The following ORMDL1 variants were observed in gnomAD, a reference collection of about 807,000 sequenced individuals.
The protein encoded by ORMDL1 is ORM1-like protein 1.
Under a neutral mutation model 13.0 loss-of-function variants are expected in ORMDL1, and 10 were observed. That is an observed-to-expected ratio of 0.77 (90% CI 0.47 to 1.30). ORMDL1 has a LOEUF of 1.30. Ranked by LOEUF, ORMDL1 falls within the 50% of genes most tolerant of loss-of-function variation. The pLI is 0.00. For missense variants in ORMDL1, 171 were observed against 186.7 expected (o/e 0.92, Z 0.49); for synonymous variants, 61 against 63.9 (o/e 0.95, Z 0.22).
chr2:189,782,542 G>T lies in ORMDL1; in HGVS notation c.54C>A (p.Asn18Lys). 6.2e-7 allele frequency: 1 copy of T among 1,614,222 alleles called. No homozygotes were observed. Among genetic ancestry groups the T allele is most frequent in the Non-Finnish European group, 8.5e-7 (1 of 1,180,038 alleles). ...SEVNPNTRVM[N>K]SRGMWLTYAL... The stretch of plus-strand genomic sequence containing the variant: ...CATATGTCAGCCACATACCCCGGCT[G>T]TTCATGACACGGGTATTTGGATTCA... The change falls in exon 3 of 5, where the codon AAC becomes AAA. Residue 18 changes from asparagine (N) to lysine (K), a missense_variant. Physicochemically the swap from Asn to Lys is moderately conservative, Grantham distance 94. Coordinates refer to ENST00000392349, the MANE Select transcript of ORMDL1 (RefSeq NM_016467.5).
chr2:189,776,886 C>T (rs6735135), intron 3 of ORMDL1, among the ~76,000 whole-genome samples: 149,326 of 152,136 alleles, frequency 0.98, 73,344 homozygotes, highest in East Asian at 1. Context: ...TTCAATCCTC[C>T]AAGAGATGAT....
chr2:189,771,994 A>G (rs1019846655), intron 4 of ORMDL1, 92 bp from the exon 5 acceptor site: 5 of 976,446 alleles, frequency 5.1e-6, no homozygotes, highest in Non-Finnish European at 5.6e-6. Flanking sequence ...AAAGGCCACT[A>G]AAGCATAAAT....
chr2:189,781,249 A>C (rs1233417378), intron 3 of ORMDL1, among the ~76,000 whole-genome samples: 1 of 152,118 alleles, frequency 6.6e-6, no homozygotes, highest in Non-Finnish European at 1.5e-5. Flanking sequence ...TTTAAAAATC[A>C]ATTTCTCCTG....
rs2047752893 is a variant in ORMDL1 at position 189,778,614 on chromosome 2, G to A, written c.175-2898C>T. On this transcript the variant is annotated intron_variant, in intron 3 of 4. Transcript: ENST00000392349. ...GAGGTATTAAAATAGTAGAGACTGGGCCGGGCATGGTAGCTCACACCTGTA... is the reference window on the plus strand; with the variant it reads ...GAGGTATTAAAATAGTAGAGACTGGACCGGGCATGGTAGCTCACACCTGTA... 5.3e-5 allele frequency among the ~76,000 whole-genome samples: 8 copies of A among 152,140 alleles called. 1 individual carries two copies. The highest frequency in any genetic ancestry group is 5.2e-4 in the Admixed American group (8 of 15,272).
At chr2:189,783,320 T>G (rs776307790) in intron 1 of ORMDL1, 197 bp from the exon 2 acceptor site, 4 of 152,244 alleles carry the variant, frequency 2.6e-5, no homozygotes, top group African/African-American at 9.6e-5. Flanking sequence ...AAAGGAAGAA[T>G]TGATAATAGT....
In ORMDL1 at chr2:189,771,685, C is replaced by G. The variant is rs6942; in HGVS notation, c.*82G>C. 868,307 of 1,225,056 alleles carry G rather than the reference C, an allele frequency of 0.71. 316,012 individuals are homozygous for G. Among genetic ancestry groups the G allele is most frequent in the South Asian group, 0.76 (44,660 of 58,774 alleles). 75.9% of individuals were successfully genotyped at this position (1,225,056 alleles called of 1,614,324 possible). A position where few individuals can be genotyped will look rare whatever the true frequency, so the allele number is the denominator to read the frequency against. ...AAATACTTCTCATTTCACATTATCA[C>G]AGAAACAGTGCAGTTTACTAACCAC... On this transcript the variant is annotated 3_prime_UTR_variant, in exon 5 of 5. Transcript: ENST00000392349.
chr2:189,770,834 T>C lies in ORMDL1; in HGVS notation c.*933A>G, dbSNP rs2047562544. 1 of 152,194 alleles carries C rather than the reference T, an allele frequency of 6.6e-6. No homozygotes were observed. Among genetic ancestry groups the C allele is most frequent in the Non-Finnish European group, 1.5e-5 (1 of 68,026 alleles). 9.4% of individuals were successfully genotyped at this position (152,194 alleles called of 1,614,324 possible). The stretch of plus-strand genomic sequence containing the variant: ...AGACCTGCCAAAAAAAAGACTCCAT[T>C]ACTTACTTTGGTACTATTGCTAGAG... On this transcript the variant is annotated 3_prime_UTR_variant, in exon 5 of 5. Coordinates refer to ENST00000392349, the MANE Select transcript of ORMDL1 (RefSeq NM_016467.5).
chr2:189,765,572 T>C (rs980976829), downstream of ORMDL1: 2 of 152,248 alleles, frequency 1.3e-5, no homozygotes, highest in African/African-American at 4.8e-5. Flanking sequence ...ATGTATTATT[T>C]ATGAGAAACA....
chr2:189,772,750 G>T (rs2047606658), intron 4 of ORMDL1, among the ~76,000 whole-genome samples: 1 of 152,196 alleles, frequency 6.6e-6, no homozygotes, highest in Admixed American at 6.5e-5. Flanking sequence ...AGTACGCAAG[G>T]AAAGTATTCT....
chr2:189,770,345 T>C lies in ORMDL1; in HGVS notation c.*1422A>G, dbSNP rs1007340414. On this transcript the variant is annotated 3_prime_UTR_variant, in exon 5 of 5. Coordinates refer to ENST00000392349, the MANE Select transcript of ORMDL1 (RefSeq NM_016467.5). ...AAATAATATTACACCAACGAAAAAT[T>C]TTATTAAATTATAGATCACCAGTTA... 6.6e-6 allele frequency: 1 copy of C among 152,158 alleles called. No individual in the cohort carries two copies. The highest frequency in any genetic ancestry group is 6.5e-5 in the Admixed American group (1 of 15,278). 9.4% of individuals were successfully genotyped at this position (152,158 alleles called of 1,614,324 possible).
chr2:189,776,889 G>C (rs1311953953), intron 3 of ORMDL1, among the ~76,000 whole-genome samples: 2 of 150,932 alleles, frequency 1.3e-5, no homozygotes, highest in African/African-American at 5.0e-5. Flanking sequence ...AATCCTCCAA[G>C]AGATGATAAG....
downstream of ORMDL1, among the ~76,000 whole-genome samples, chr2:189,765,786 T>C (rs1343381228): frequency 6.6e-6 from 1 of 152,034 alleles, no homozygotes; most frequent in African/African-American, 2.4e-5. Flanking sequence ...CACATTGTCT[T>C]ACATTCTTTG....
chr2:189,777,454 A>G (rs1278083495), intron 3 of ORMDL1, among the ~76,000 whole-genome samples: 9 of 152,244 alleles, frequency 5.9e-5, no homozygotes. Context: ...ATATAAGAGA[A>G]TAATCATCCT....
Position 189,775,787 on chromosome 2 carries a change from C to T in ORMDL1, c.175-71G>A, listed in dbSNP as rs149530007. The T allele has an allele frequency of 7.8e-5, 114 of 1,468,010 alleles. No homozygotes were observed. In the African/African-American group the frequency reaches 1.2e-3, roughly 15 times the overall value. 90.9% of individuals were successfully genotyped at this position (1,468,010 alleles called of 1,614,324 possible). Reference sequence around the variant, plus strand: ...AATTAGTCTTTGTCAGTAGCATTAACGAGGTTCCAAGCTGTTTGTGAGAGT... The same window carrying T: ...AATTAGTCTTTGTCAGTAGCATTAATGAGGTTCCAAGCTGTTTGTGAGAGT... On this transcript the variant is annotated intron_variant, in intron 3 of 4. Transcript: ENST00000392349.
chr2:189,777,332 A>G (rs1002106766), intron 3 of ORMDL1, among the ~76,000 whole-genome samples: 1 of 152,096 alleles, frequency 6.6e-6, no homozygotes, highest in African/African-American at 2.4e-5. Context: ...AACCATTTTC[A>G]TATGGACTTT....
At chr2:189,768,910 A>G (rs149803291), downstream of ORMDL1, among the ~76,000 whole-genome samples, 183 of 152,352 alleles carry the variant, frequency 1.2e-3, no homozygotes, top group African/African-American at 4.3e-3. Flanking sequence ...TGTTGACACC[A>G]ATTTAAAAGT....
At position 189,770,683 on chromosome 2, in the gene ORMDL1, A is replaced by G. The variant is rs981618395; in HGVS notation, c.*1084T>C. On this transcript the variant is annotated 3_prime_UTR_variant, in exon 5 of 5. Transcript: ENST00000392349. ...AGCTTTCCTAAGTCACAAGAATTCA[A>G]TGTGGTTGCTGTTCTGGAGACAGTT... 4 of 152,196 alleles carry G rather than the reference A, an allele frequency of 2.6e-5. No homozygotes were observed. Among genetic ancestry groups the G allele is most frequent in the African/African-American group, 9.7e-5 (4 of 41,440 alleles). 9.4% of individuals were successfully genotyped at this position (152,196 alleles called of 1,614,324 possible). A position where few individuals can be genotyped will look rare whatever the true frequency, so the allele number is the denominator to read the frequency against.
chr2:189,779,066 T>C (rs1197840423), intron 3 of ORMDL1, among the ~76,000 whole-genome samples: 3 of 152,012 alleles, frequency 2.0e-5, no homozygotes, highest in African/African-American at 7.3e-5. Context: ...TAGTCCTAGC[T>C]ACTTGGAAGG....
At chr2:189,776,995 C>T (rs986339733) in intron 3 of ORMDL1, among the ~76,000 whole-genome samples, 7 of 152,228 alleles carry the variant, frequency 4.6e-5, no homozygotes, top group African/African-American at 1.4e-4. Context: ...GGAAAGGTTC[C>T]TTGTTGCTGT....
Sources: allele counts gnomAD v4.1 joint callset (sites outside exome capture counted in the v4.1 genomes callset), GRCh38; gene constraint gnomAD v4.1.1; transcripts MANE v1.5; gene names NCBI Gene and HGNC (gene_info 2026-07-23, HGNC 2026-07-21).